GRIA1: variants seen among roughly 807,000 people sequenced by gnomAD.
GRIA1 encodes glutamate ionotropic receptor AMPA type subunit 1, also known as glutamate receptor 1.
In GRIA1, 31 loss-of-function variants were observed where a neutral mutation model predicts 99.2. The ratio of observed to expected loss-of-function variants is 0.31; its 90% confidence interval spans 0.23 to 0.42. GRIA1 has a LOEUF of 0.42. Among genes scored for constraint, GRIA1 ranks in the 10% least tolerant of loss-of-function variants. The pLI, the probability that GRIA1 is intolerant of heterozygous loss-of-function variation, is 1.00. For missense variants in GRIA1, 782 were observed against 1,157.5 expected (o/e 0.68, Z 4.71); for synonymous variants, 438 against 432.4 (o/e 1.01, Z -0.16).
chr5:153,707,530 T>C (rs563042134), intron 11 of GRIA1, among the ~76,000 whole-genome samples: 23 of 152,316 alleles, frequency 1.5e-4, no homozygotes, highest in Admixed American at 2.0e-4. Context: ...CTCTCTTAGA[T>C]TACCAAATTT....
chr5:153,515,840 A>C (rs1756570841), intron 2 of GRIA1, among the ~76,000 whole-genome samples: 1 of 152,180 alleles, frequency 6.6e-6, no homozygotes, highest in Non-Finnish European at 1.5e-5. Flanking sequence ...GATTGTGTCC[A>C]GCTTAGTCCG....
At chr5:153,694,879 G>T (rs147598849) in intron 8 of GRIA1, among the ~76,000 whole-genome samples, 106 of 152,118 alleles carry the variant, frequency 7.0e-4, no homozygotes, top group South Asian at 2.3e-3. Flanking sequence ...GACTAATTGT[G>T]AAGAAGGAAG....
rs559598738 is a variant in GRIA1, at chr5:153,490,759, C to G, written c.-130C>G. ...GACAAACCTCACGAAAGGAAGGAAG[C>G]AAGCAAGCAAGGAAGGAACTGCAGG... On this transcript the variant is annotated 5_prime_UTR_variant, in exon 1 of 16. Transcript: ENST00000285900. The G allele has an allele frequency of 6.6e-6, 5 of 761,296 alleles. No individual in the cohort carries two copies. The highest frequency in any genetic ancestry group is 5.2e-5 in the African/African-American group (3 of 57,974). The allele number at this position is 761,296 out of a possible 1,614,324, so 47.2% of individuals were successfully genotyped here.
At chr5:153,637,520 G>A (rs1251556563) in intron 2 of GRIA1, among the ~76,000 whole-genome samples, 2 of 152,182 alleles carry the variant, frequency 1.3e-5, no homozygotes, top group Non-Finnish European at 2.9e-5. Flanking sequence ...TAACACGTGG[G>A]TACACAGTGA....
Position 153,801,952 on chromosome 5 carries a change from C to CA in GRIA1, c.2386-404_2386-403insA, listed in dbSNP as rs769763925. On this transcript the variant is annotated intron_variant, in intron 14 of 15. Coordinates refer to ENST00000285900, the MANE Select transcript of GRIA1 (RefSeq NM_000827.4). The stretch of plus-strand genomic sequence containing the variant: ...TACCAAGCAACAGAGGAAATTGGGG[C>CA]GGGGGGGGGCGGGGGGCAGGAATGG... 7.6e-5 allele frequency among the ~76,000 whole-genome samples: 6 copies of CA among 79,198 alleles called. No homozygotes were observed. In the South Asian group the frequency reaches 1.5e-3, roughly 19 times the overall value. The allele number at this position is 79,198 out of a possible 152,430, so 52.0% of individuals were successfully genotyped here. A position where few individuals can be genotyped will look rare whatever the true frequency, so the allele number is the denominator to read the frequency against.
At chr5:153,674,394 G>C in intron 5 of GRIA1, 106 bp from the exon 6 acceptor site, 1 of 1,223,940 alleles carries the variant, frequency 8.2e-7, no homozygotes, top group Non-Finnish European at 1.2e-6. Context: ...CCATTGAGTA[G>C]GTTTCATCTG....
intron 2 of GRIA1, among the ~76,000 whole-genome samples, chr5:153,626,043 C>G (rs971869210): frequency 6.6e-6 from 1 of 152,176 alleles, no homozygotes; most frequent in African/African-American, 2.4e-5. Flanking sequence ...GGGAGGGAGA[C>G]CTGACTCTGC....
At chr5:153,578,831 C>T (rs1364192238) in intron 2 of GRIA1, among the ~76,000 whole-genome samples, 3 of 152,146 alleles carry the variant, frequency 2.0e-5, no homozygotes, top group Admixed American at 2.0e-4. Flanking sequence ...TTGCTTGAAC[C>T]CGCCAGGTGG....
At chr5:153,674,400 A>C (rs1221736149) in intron 5 of GRIA1, 100 bp from the exon 6 acceptor site, 2 of 1,308,404 alleles carry the variant, frequency 1.5e-6, no homozygotes, top group Non-Finnish European at 2.2e-6. Flanking sequence ...AGTAGGTTTC[A>C]TCTGGTGGAA....
At chr5:153,616,685 T>C (rs1766537708) in intron 2 of GRIA1, among the ~76,000 whole-genome samples, 1 of 152,148 alleles carries the variant, frequency 6.6e-6, no homozygotes, top group African/African-American at 2.4e-5. Context: ...CGAATGAATT[T>C]TAGGTAGAAA....
chr5:153,744,340 T>TAAC (rs1762010421), intron 11 of GRIA1, among the ~76,000 whole-genome samples: 1 of 152,236 alleles, frequency 6.6e-6, no homozygotes, highest in Admixed American at 6.5e-5. Context: ...ATTTGCTCTA[T>TAAC]AACAAATGCT....
At chr5:153,627,518 C>T (rs911820834) in intron 2 of GRIA1, among the ~76,000 whole-genome samples, 9 of 152,234 alleles carry the variant, frequency 5.9e-5, no homozygotes, top group African/African-American at 2.2e-4. Context: ...CAATTTTTTT[C>T]AGAGGAATCA....
chr5:153,572,099 G>A (rs1475291560), intron 2 of GRIA1, among the ~76,000 whole-genome samples: 3 of 152,230 alleles, frequency 2.0e-5, no homozygotes, highest in Non-Finnish European at 4.4e-5. Context: ...GAATGGTTGT[G>A]TAATATACGA....
chr5:153,512,269 A>G (rs1176180816), intron 2 of GRIA1, among the ~76,000 whole-genome samples: 1 of 152,060 alleles, frequency 6.6e-6, no homozygotes, highest in Non-Finnish European at 1.5e-5. Context: ...GACTGACCCC[A>G]CTTTACCTTG....
intron 13 of GRIA1, among the ~76,000 whole-genome samples, chr5:153,776,972 A>C (rs1420438769): frequency 6.6e-6 from 1 of 152,230 alleles, no homozygotes; most frequent in East Asian, 1.9e-4. Context: ...TCTTTTAGAG[A>C]ATCACATTGA....
chr5:153,541,741 C>A (rs1173493944), intron 2 of GRIA1, among the ~76,000 whole-genome samples: 1 of 151,892 alleles, frequency 6.6e-6, no homozygotes, highest in Non-Finnish European at 1.5e-5. Context: ...ACCATCCTGG[C>A]CAACATAGTG....
intron 2 of GRIA1, among the ~76,000 whole-genome samples, chr5:153,522,314 T>C (rs181052181): frequency 9.8e-5 from 15 of 152,344 alleles, no homozygotes; most frequent in Non-Finnish European, 2.1e-4. Context: ...AAAGTTGTTA[T>C]TATTGATATT....
At chr5:153,741,419 A>G (rs901426419) in intron 11 of GRIA1, among the ~76,000 whole-genome samples, 3 of 152,212 alleles carry the variant, frequency 2.0e-5, no homozygotes, top group Non-Finnish European at 4.4e-5. Context: ...TATACAATAT[A>G]ATTGAAATCA....
At chr5:153,804,724 AATTAATTAATTTATTTATTT>A (rs1314762115) in intron 15 of GRIA1, among the ~76,000 whole-genome samples, 22 of 78,520 alleles carry the variant, frequency 2.8e-4, no homozygotes, top group Non-Finnish European at 4.5e-4. Flanking sequence ...TTAATTAATT[AATTAATTAATTTATTTATTT>A]ATTTATTTAT....
Sources: allele counts gnomAD v4.1 joint callset (sites outside exome capture counted in the v4.1 genomes callset), GRCh38; gene constraint gnomAD v4.1.1; transcripts MANE v1.5; gene names NCBI Gene and HGNC (gene_info 2026-07-23, HGNC 2026-07-21).